The following UNC13B variants were observed in gnomAD, a reference collection of about 807,000 sequenced individuals.
The protein encoded by UNC13B is protein unc-13 homolog B.
UNC13B carries 144 observed loss-of-function variants against 211.0 expected under a neutral mutation model. The ratio of observed to expected loss-of-function variants is 0.68; its 90% CI spans 0.60 to 0.78. The LOEUF (loss-of-function observed/expected upper bound fraction) is 0.78. Ranked by LOEUF, UNC13B falls within the 30% of genes least tolerant of loss-of-function variation. The pLI is 0.00. For missense variants in UNC13B, 1,777 were observed against 2,002.0 expected (o/e 0.89, Z 2.14); for synonymous variants, 709 against 725.8 (o/e 0.98, Z 0.37).
At chr9:35,271,123 A>C (rs375200633) in intron 7 of UNC13B, among the ~76,000 whole-genome samples, 1 of 135,236 alleles carries the variant, frequency 7.4e-6, no homozygotes, top group East Asian at 2.3e-4. Context: ...TGGATGACAG[A>C]GTGAGACTCC....
intron 1 of UNC13B, among the ~76,000 whole-genome samples, chr9:35,180,927 T>TAA (rs1226579932): frequency 1.2e-5 from 1 of 86,672 alleles, no homozygotes. Context: ...GACCCTGTCT[T>TAA]TAAAAAAAAA....
rs912003466 is a variant in UNC13B, at chr9:35,303,990, A to G, written c.4586A>G (p.Tyr1529Cys). The change falls in exon 9 of 40, where the codon TAT (tyrosine) becomes TGT (cysteine). Residue 1529 changes from tyrosine (Y) to cysteine (C), a missense_variant. Physicochemically the swap from Tyr to Cys is radical, Grantham distance 194. Transcript: ENST00000635942. Reference sequence around the variant, plus strand: ...TGGTGGCCATCAGAGGATGGGGATTATGGATATTATATGTTTCATGATGGT... The same window carrying G: ...TGGTGGCCATCAGAGGATGGGGATTGTGGATATTATATGTTTCATGATGGT... ...GVWWPSEDGDYGYYMFHDGQY... is the reference protein window; with the variant it reads ...GVWWPSEDGDCGYYMFHDGQY... 10 of 398,606 alleles carry G rather than the reference A, an allele frequency of 2.5e-5. No homozygotes were observed. The highest frequency in any genetic ancestry group is 6.2e-4 in the Middle Eastern group (1 of 1,610). The allele number at this position is 398,606 out of a possible 1,614,324, so 24.7% of individuals were successfully genotyped here.
intron 7 of UNC13B, among the ~76,000 whole-genome samples, chr9:35,279,101 A>G (rs1828339158): frequency 6.6e-6 from 1 of 152,200 alleles, no homozygotes; most frequent in Non-Finnish European, 1.5e-5. Flanking sequence ...AGTGACATTT[A>G]GTACATTCAT....
chr9:35,233,609 C>A (rs775514807), intron 3 of UNC13B, among the ~76,000 whole-genome samples: 1 of 152,110 alleles, frequency 6.6e-6, no homozygotes, highest in Non-Finnish European at 1.5e-5. Context: ...TCCTATCTCC[C>A]GTTCTCCTTT....
At chr9:35,245,152 A>C (rs899321745) in intron 6 of UNC13B, among the ~76,000 whole-genome samples, 1 of 151,908 alleles carries the variant, frequency 6.6e-6, no homozygotes, top group African/African-American at 2.4e-5. Flanking sequence ...TTTCCTAGTA[A>C]AGAAGCATGT....
chr9:35,345,381 G>GGGGAT (rs1330963460), intron 11 of UNC13B, among the ~76,000 whole-genome samples: 7 of 152,150 alleles, frequency 4.6e-5, no homozygotes, highest in Non-Finnish European at 1.0e-4. Flanking sequence ...AAGTATCAAA[G>GGGGAT]GGGATTTTGG....
intron 7 of UNC13B, among the ~76,000 whole-genome samples, chr9:35,289,849 C>T (rs1314682578): frequency 4.6e-5 from 7 of 151,984 alleles, no homozygotes; most frequent in South Asian, 2.1e-4. Flanking sequence ...TGTTGGTAGG[C>T]GCCTGTAATC....
intron 35 of UNC13B, 49 bp downstream of exon 35, chr9:35,399,497 A>C (rs374548241): frequency 6.2e-7 from 1 of 1,613,112 alleles, no homozygotes; most frequent in Non-Finnish European, 8.5e-7. Flanking sequence ...TTCTGAAGTC[A>C]TGGAGAGAGG....
chr9:35,340,503 A>G (rs1165381236), intron 11 of UNC13B, among the ~76,000 whole-genome samples: 1 of 152,172 alleles, frequency 6.6e-6, no homozygotes, highest in African/African-American at 2.4e-5. Flanking sequence ...CTGCAATGGC[A>G]GATCCTAGGA....
intron 1 of UNC13B, among the ~76,000 whole-genome samples, chr9:35,168,219 G>T (rs1202893152): frequency 2.0e-5 from 3 of 152,036 alleles, no homozygotes; most frequent in Non-Finnish European, 2.9e-5. Flanking sequence ...CACCTGACCA[G>T]TTTTTTTATT....
intron 37 of UNC13B, chr9:35,402,130 A>C: frequency 1.9e-5 from 16 of 857,734 alleles, no homozygotes; most frequent in Non-Finnish European, 2.8e-5. Context: ...GCTCTATCTC[A>C]AGTCTTAGAG....
At position 35,305,041 on chromosome 9, in the gene UNC13B, A is replaced by G. The variant is rs1829859913; in HGVS notation, c.5637A>G (p.Thr1879=). ...GTGTAAAAGATGATGAAATCATTAC[A>G]ACAGACTCTATTTCAGTTTCTCCTG... ...KSGVKDDEII[T]TDSISVSPAP... is the part of the protein sequence containing the mutation. The change falls in exon 9 of 40, where the codon ACA becomes ACG. Residue 1879 remains threonine (T), a synonymous_variant. Transcript: ENST00000635942. The G allele has an allele frequency of 2.5e-6, 1 of 398,872 alleles. No homozygotes were observed. The highest frequency in any genetic ancestry group is 4.4e-6 in the Non-Finnish European group (1 of 226,020). The allele number at this position is 398,872 out of a possible 1,614,324, so 24.7% of individuals were successfully genotyped here. A position where few individuals can be genotyped will look rare whatever the true frequency, so the allele number is the denominator to read the frequency against.
Position 35,303,939 on chromosome 9 carries a change from G to A in UNC13B, c.4535G>A (p.Trp1512Ter). The A allele has an allele frequency of 2.5e-6, 1 of 398,734 alleles. No individual in the cohort carries two copies. The highest frequency in any genetic ancestry group is 4.4e-6 in the Non-Finnish European group (1 of 225,844). 24.7% of individuals were successfully genotyped at this position (398,734 alleles called of 1,614,324 possible). ...FSSFGYEYQE[W>*]LSCLEHGVWW... ...AGTTTTGGTTATGAGTACCAGGAAT[G>A]GTTGTCATGTCTTGAACATGGAGTG... is the stretch of plus-strand genomic sequence containing the variant. The change falls in exon 9 of 40, where the codon TGG (tryptophan) becomes TAG (stop). Residue 1512 changes from tryptophan to a stop codon, truncating the protein, a stop_gained. Transcript: ENST00000635942. LOFTEE classifies it high-confidence loss of function.
At chr9:35,194,463 C>T (rs745381707) in intron 1 of UNC13B, among the ~76,000 whole-genome samples, 8 of 152,120 alleles carry the variant, frequency 5.3e-5, no homozygotes, top group African/African-American at 1.2e-4. Flanking sequence ...CTTACAGCCC[C>T]GCACAATGGC....
chr9:35,326,548 G>A (rs1456762976), intron 11 of UNC13B, among the ~76,000 whole-genome samples: 1 of 152,034 alleles, frequency 6.6e-6, no homozygotes. Context: ...ACCACACCTG[G>A]CTAAGTTTCT....
intron 1 of UNC13B, chr9:35,227,738 G>T: frequency 2.9e-6 from 1 of 347,964 alleles, no homozygotes; most frequent in Non-Finnish European, 5.1e-6. Flanking sequence ...CATGAAACTG[G>T]CTGCCTGCCA....
chr9:35,351,874 G>T, intron 11 of UNC13B: 3 of 1,232,260 alleles, frequency 2.4e-6, no homozygotes, highest in Non-Finnish European at 3.0e-6. Flanking sequence ...CCTCAGAGAG[G>T]AACCAAACCA....
At chr9:35,203,806 T>C (rs1184261684) in intron 1 of UNC13B, among the ~76,000 whole-genome samples, 2 of 152,244 alleles carry the variant, frequency 1.3e-5, no homozygotes, top group Non-Finnish European at 2.9e-5. Context: ...ATTTGTAGCC[T>C]AGCCATGTGG....
chr9:35,200,236 T>C (rs535989537), intron 1 of UNC13B, among the ~76,000 whole-genome samples: 2 of 152,376 alleles, frequency 1.3e-5, no homozygotes, highest in South Asian at 4.1e-4. Flanking sequence ...TTGGTTATTG[T>C]AGCCTTGTAG....
Sources: allele counts gnomAD v4.1 joint callset (sites outside exome capture counted in the v4.1 genomes callset), GRCh38; gene constraint gnomAD v4.1.1; transcripts MANE v1.5; gene names NCBI Gene and HGNC (gene_info 2026-07-23, HGNC 2026-07-21).